Variants in AGO2 observed in about 807,000 individuals in gnomAD.
AGO2 encodes protein argonaute-2.
A neutral mutation model predicts 102.3 loss-of-function variants in AGO2; 5 were observed. The observed-to-expected ratio is 0.05, with a 90% confidence interval of 0.03 to 0.10. The LOEUF (loss-of-function observed/expected upper bound fraction) is 0.10, where lower values mean the gene tolerates loss of function less well. AGO2 is among the 10% of genes least tolerant of loss of function. The pLI is 1.00. For missense variants in AGO2, 541 were observed against 1,183.7 expected (o/e 0.46, Z 7.97); for synonymous variants, 449 against 473.1 (o/e 0.95, Z 0.66).
Position 140,604,548 on chromosome 8 carries a change from C to T in AGO2, c.23-19237G>A, listed in dbSNP as rs903353687. ...TCTACTAAAAATACAAAAATTAGGCCGGGTGCGGTGGCTCATGCCTGTCAT... is the reference window on the plus strand; with the variant it reads ...TCTACTAAAAATACAAAAATTAGGCTGGGTGCGGTGGCTCATGCCTGTCAT... On this transcript the variant is annotated intron_variant, in intron 1 of 18. Transcript: ENST00000220592. 3.3e-5 allele frequency among the ~76,000 whole-genome samples: 5 copies of T among 150,904 alleles called. No homozygotes were observed. The South Asian group carries it at 6.4e-4, about 19-fold the overall frequency.
chr8:140,642,287 C>T, the AGO2 span, among the ~76,000 whole-genome samples: 1 of 152,094 alleles, frequency 6.6e-6, no homozygotes, highest in African/African-American at 2.4e-5. Context: ...AGGTAGATGC[C>T]CCGCTTCTCT....
rs1271387684 is a variant in AGO2, at chr8:140,522,690, CAG to C, written c.*9352_*9353del. 1 of 110,974 alleles carries C rather than the reference CAG, an allele frequency of 9.0e-6. No homozygotes were observed. Among genetic ancestry groups the C allele is most frequent in the East Asian group, 2.8e-4 (1 of 3,560 alleles). 6.9% of individuals were successfully genotyped at this position (110,974 alleles called of 1,614,324 possible). On this transcript the variant is annotated 3_prime_UTR_variant, in exon 19 of 19. Coordinates refer to ENST00000220592, the MANE Select transcript of AGO2 (RefSeq NM_012154.5). ...CAAGAGAGAGAGAGAGAGACAGAGA[CAG>C]AGACAGAGAGAGGGAGGGGGAGGGG...
intron 1 of AGO2, among the ~76,000 whole-genome samples, chr8:140,622,246 T>C (rs1303812551): frequency 6.6e-6 from 1 of 151,858 alleles, no homozygotes; most frequent in Non-Finnish European, 1.5e-5. Context: ...CGAATGGGGG[T>C]GACTACTTAA....
intron 12 of AGO2, among the ~76,000 whole-genome samples, chr8:140,547,982 G>C (rs2072931150): frequency 1.3e-5 from 2 of 152,208 alleles, no homozygotes; most frequent in Non-Finnish European, 2.9e-5. Flanking sequence ...GAGAGAAAGA[G>C]CCCAACTAAA....
chr8:140,542,622 T>G (rs576115835), intron 14 of AGO2, among the ~76,000 whole-genome samples: 3 of 149,252 alleles, frequency 2.0e-5, no homozygotes, highest in African/African-American at 4.9e-5. Context: ...CAAGATATAG[T>G]TGAATGCTTC....
rs190484184 is a variant in AGO2, at chr8:140,587,336, G to A, written c.23-2025C>T. Among the ~76,000 whole-genome samples, 19 of 152,332 alleles carry A rather than the reference G, an allele frequency of 1.2e-4. No individual in the cohort carries two copies. In the East Asian group the frequency reaches 3.3e-3, roughly 26 times the overall value. On this transcript the variant is annotated intron_variant, in intron 1 of 18. Coordinates refer to ENST00000220592, the MANE Select transcript of AGO2 (RefSeq NM_012154.5). The stretch of plus-strand genomic sequence containing the variant: ...AATAATGAAAATACTGATACTTCAC[G>A]TGAAGGCACGTGGAATATAAAATTA...
chr8:140,566,633 T>C (rs1408005156), intron 3 of AGO2, among the ~76,000 whole-genome samples: 1 of 133,472 alleles, frequency 7.5e-6, no homozygotes, highest in Non-Finnish European at 1.6e-5. Flanking sequence ...GGGGGGAAGG[T>C]GTCCCGCTCT....
At chr8:140,640,722 T>C in the AGO2 span, among the ~76,000 whole-genome samples, 4 of 152,130 alleles carry the variant, frequency 2.6e-5, no homozygotes, top group Non-Finnish European at 5.9e-5. Context: ...GGTTTCACCA[T>C]ATTGGCCAGG....
chr8:140,607,206 G>A (rs2074009139), intron 1 of AGO2, among the ~76,000 whole-genome samples: 1 of 151,650 alleles, frequency 6.6e-6, no homozygotes, highest in Admixed American at 6.6e-5. Context: ...CCGAGATCAT[G>A]TCATTGCACT....
chr8:140,560,662 G>T, intron 4 of AGO2, 152 bp from the exon 5 acceptor site: 2 of 949,142 alleles, frequency 2.1e-6, no homozygotes, highest in Non-Finnish European at 3.1e-6. Flanking sequence ...CGGCACTCCA[G>T]CCTGTGTGCA....
intron 1 of AGO2, among the ~76,000 whole-genome samples, chr8:140,615,413 C>A (rs950363998): frequency 1.3e-5 from 2 of 152,256 alleles, no homozygotes. Context: ...GGCCCCGGGC[C>A]CCCAGGCGGC....
At chr8:140,534,460 C>T (rs1469654718) in intron 17 of AGO2, among the ~76,000 whole-genome samples, 1 of 152,198 alleles carries the variant, frequency 6.6e-6, no homozygotes, top group Non-Finnish European at 1.5e-5. Context: ...GGGACAGGCA[C>T]TTTGCACCAG....
chr8:140,535,664 C>T (rs777215367), intron 16 of AGO2, 95 bp from the exon 17 acceptor site: 100 of 1,220,214 alleles, frequency 8.2e-5, no homozygotes, highest in Middle Eastern at 2.0e-4. Flanking sequence ...GCCAGGGTGC[C>T]CTATTTTGAA....
chr8:140,635,214 G>A lies in AGO2; in HGVS notation c.22+271C>T, dbSNP rs541215131. Among the ~76,000 whole-genome samples, 196 of 146,400 alleles carry A rather than the reference G, an allele frequency of 1.3e-3. 2 individuals are homozygous for A. In the East Asian group the frequency reaches 0.035, roughly 26 times the overall value. On this transcript the variant is annotated intron_variant, in intron 1 of 18. Transcript: ENST00000220592. ...GACGCGGGCCCGAGGCGCGGGAGGG[G>A]CCCAGGCCGCGCGGGGCGCCCCGAC...
chr8:140,627,188 G>A (rs2152109998), intron 1 of AGO2, among the ~76,000 whole-genome samples: 1 of 152,364 alleles, frequency 6.6e-6, no homozygotes, highest in East Asian at 1.9e-4. Flanking sequence ...GGTCCCACGG[G>A]AGGATCCTTT....
At chr8:140,631,536 CAA>C (rs778104531) in intron 1 of AGO2, among the ~76,000 whole-genome samples, 6 of 76,296 alleles carry the variant, frequency 7.9e-5, no homozygotes, top group Non-Finnish European at 2.7e-5. Flanking sequence ...GACTCCGTCT[CAA>C]AAAAAAAAAA....
intron 3 of AGO2, among the ~76,000 whole-genome samples, chr8:140,563,463 T>G (rs1237014141): frequency 1.3e-5 from 2 of 152,232 alleles, no homozygotes. Context: ...TTTGAACTCC[T>G]GGGCTCAAGG....
Position 140,527,481 on chromosome 8 carries a change from G to C in AGO2, c.*4563C>G, listed in dbSNP as rs1277497145. 2.0e-5 allele frequency: 3 copies of C among 153,128 alleles called. No individual in the cohort carries two copies. The highest frequency in any genetic ancestry group is 7.2e-5 in the African/African-American group (3 of 41,418). The allele number at this position is 153,128 out of a possible 1,614,324, so 9.5% of individuals were successfully genotyped here. A position where few individuals can be genotyped will look rare whatever the true frequency, so the allele number is the denominator to read the frequency against. On this transcript the variant is annotated 3_prime_UTR_variant, in exon 19 of 19. Coordinates refer to ENST00000220592, the MANE Select transcript of AGO2 (RefSeq NM_012154.5). This position sits in a 1 kb window ranked among gnomAD's most constrained non-coding sequence, Gnocchi z 6.0. The stretch of plus-strand genomic sequence containing the variant: ...AAAATCAGTGCAATTATTTTGAGTC[G>C]AAGATTTTCCTCATAAAAAAGAGTC...
At chr8:140,617,031 G>T (rs1232198803) in intron 1 of AGO2, among the ~76,000 whole-genome samples, 2 of 152,018 alleles carry the variant, frequency 1.3e-5, no homozygotes, top group Non-Finnish European at 2.9e-5. Flanking sequence ...CTGGATCGGA[G>T]ATGCAGCAGG....
Sources: allele counts gnomAD v4.1 joint callset (sites outside exome capture counted in the v4.1 genomes callset), GRCh38; gene constraint gnomAD v4.1.1; non-coding constraint Gnocchi (gnomAD v3.1); transcripts MANE v1.5; gene names NCBI Gene and HGNC (gene_info 2026-07-23, HGNC 2026-07-21).